The following POC1B variants were observed in gnomAD, a reference collection of about 807,000 sequenced individuals.
The protein encoded by POC1B is POC1 centriolar protein B.
POC1B carries 44 observed loss-of-function variants against 60.6 expected under a neutral mutation model. That is an observed-to-expected ratio of 0.73 (90% CI 0.57 to 0.93). The LOEUF (loss-of-function observed/expected upper bound fraction) is 0.93. POC1B is among the 40% of genes least tolerant of loss of function. The pLI is 0.00. For synonymous variants in POC1B, 180 were observed against 198.9 expected, an observed-to-expected ratio of 0.90 and a Z score of 0.80; for missense variants, 555 against 572.3, an observed-to-expected ratio of 0.97 and a Z score of 0.31.
intron 10 of POC1B, among the ~76,000 whole-genome samples, chr12:89,453,278 C>A (rs747724409): frequency 6.6e-6 from 1 of 152,032 alleles, no homozygotes; most frequent in African/African-American, 2.4e-5. Context: ...CTTGAGTTAC[C>A]GAATAAAAAA....
intron 6 of POC1B, 141 bp from the exon 7 acceptor site, chr12:89,470,635 G>A: frequency 1.8e-6 from 1 of 551,100 alleles, no homozygotes; most frequent in Non-Finnish European, 2.8e-6. Flanking sequence ...ACTAAAACGA[G>A]TATTTTGGCA....
chr12:89,523,970 C>T, intron 2 of POC1B: 3 of 1,613,854 alleles, frequency 1.9e-6, no homozygotes, highest in Non-Finnish European at 2.5e-6. Flanking sequence ...CGTACTCTAT[C>T]AAGATTGCTG....
the POC1B span, among the ~76,000 whole-genome samples, chr12:89,411,130 C>T: frequency 6.6e-5 from 10 of 152,290 alleles, no homozygotes; most frequent in South Asian, 2.1e-3. Flanking sequence ...AGGACATAAA[C>T]AAATGGAGAA....
At chr12:89,430,884 A>G (rs1214041915) in intron 10 of POC1B, among the ~76,000 whole-genome samples, 1 of 152,160 alleles carries the variant, frequency 6.6e-6, no homozygotes, top group Non-Finnish European at 1.5e-5. Flanking sequence ...AAAATTAAAT[A>G]TTAGCAATTT....
chr12:89,514,072 G>A (rs537577558), intron 2 of POC1B, among the ~76,000 whole-genome samples: 64 of 152,198 alleles, frequency 4.2e-4, no homozygotes, highest in South Asian at 1.0e-3. Context: ...TTGGACTTAT[G>A]ACCCCACCCA....
rs540380796 is a variant in POC1B, at chr12:89,492,538, CAT to C, written c.273-425_273-424del. Reference sequence around the variant, plus strand: ...TCAGCAATTTTCCCATTTAGAAAATCATATTGATACTCAAGATAACCTATGGG... The same window carrying C: ...TCAGCAATTTTCCCATTTAGAAAATCATTGATACTCAAGATAACCTATGGG... On this transcript the variant is annotated intron_variant, in intron 3 of 11. Transcript: ENST00000313546. 1.0e-3 allele frequency among the ~76,000 whole-genome samples: 152 copies of C among 152,280 alleles called. 2 individuals are homozygous for C. The highest frequency in any genetic ancestry group is 3.6e-3 in the African/African-American group (149 of 41,548).
chr12:89,524,710 T>C (rs1871264195), intron 2 of POC1B: 1 of 744,344 alleles, frequency 1.3e-6, no homozygotes, highest in African/African-American at 1.8e-5. Flanking sequence ...AGGGGTCACC[T>C]GAGCCCTCTC....
intron 10 of POC1B, among the ~76,000 whole-genome samples, chr12:89,431,804 A>G (rs950156609): frequency 6.6e-6 from 1 of 152,232 alleles, no homozygotes; most frequent in African/African-American, 2.4e-5. Context: ...ACATAGATTT[A>G]TTATCTTATA....
At chr12:89,500,461 T>A in intron 2 of POC1B, 1 of 1,569,906 alleles carries the variant, frequency 6.4e-7, no homozygotes, top group Non-Finnish European at 8.8e-7. Flanking sequence ...TTCTGGCAAC[T>A]GATGTTAGTT....
intron 4 of POC1B, among the ~76,000 whole-genome samples, chr12:89,488,124 C>T (rs1320386008): frequency 2.0e-5 from 3 of 151,410 alleles, no homozygotes; most frequent in Non-Finnish European, 4.4e-5. Context: ...TTACGATTAC[C>T]CTTTGATAAA....
At chr12:89,403,992 C>T in the POC1B span, among the ~76,000 whole-genome samples, 27 of 151,998 alleles carry the variant, frequency 1.8e-4, no homozygotes, top group Non-Finnish European at 1.0e-4. Context: ...ATTAGCCAGG[C>T]GTGGTGGCGC....
intron 10 of POC1B, among the ~76,000 whole-genome samples, chr12:89,441,806 G>A (rs995295700): frequency 2.0e-5 from 3 of 152,202 alleles, no homozygotes; most frequent in East Asian, 1.9e-4. Flanking sequence ...TCAGATGATC[G>A]GTAATAACAA....
chr12:89,406,008 T>G, the POC1B span, among the ~76,000 whole-genome samples: 3 of 149,922 alleles, frequency 2.0e-5, no homozygotes, highest in Non-Finnish European at 4.4e-5. Flanking sequence ...TTTTTTTGGT[T>G]GTTGTTTTCT....
chr12:89,438,050 C>CA (rs535891630), intron 10 of POC1B, among the ~76,000 whole-genome samples: 4,334 of 124,250 alleles, frequency 0.035, 166 homozygotes, highest in African/African-American at 0.11. Context: ...GAAACCGTCT[C>CA]AAAAAAAAAA....
intron 2 of POC1B, among the ~76,000 whole-genome samples, chr12:89,498,579 C>T (rs1405462349): frequency 1.3e-5 from 2 of 152,186 alleles, no homozygotes; most frequent in African/African-American, 4.8e-5. Flanking sequence ...TTCATTTGGG[C>T]TCAGCCCATG....
chr12:89,414,734 C>T (rs1420781765), downstream of POC1B, among the ~76,000 whole-genome samples: 1 of 152,056 alleles, frequency 6.6e-6, no homozygotes, highest in Non-Finnish European at 1.5e-5. Context: ...TCAGATTTGT[C>T]AATAACCCTC....
chr12:89,409,769 C>T, the POC1B span, among the ~76,000 whole-genome samples: 1 of 152,128 alleles, frequency 6.6e-6, no homozygotes, highest in East Asian at 1.9e-4. Flanking sequence ...AAGTCGAATA[C>T]CTGAATGGAC....
intron 2 of POC1B, chr12:89,502,238 C>G: frequency 7.7e-7 from 1 of 1,303,302 alleles, no homozygotes; most frequent in African/African-American, 1.4e-5. Flanking sequence ...CCTGGAAGTT[C>G]AGATGACTCA....
At chr12:89,476,323 T>C (rs1303243244) in intron 4 of POC1B, among the ~76,000 whole-genome samples, 1 of 152,210 alleles carries the variant, frequency 6.6e-6, no homozygotes, top group Non-Finnish European at 1.5e-5. Flanking sequence ...GTTCCTGTAA[T>C]TGTATGTAAA....
Sources: allele counts gnomAD v4.1 joint callset (sites outside exome capture counted in the v4.1 genomes callset), GRCh38; gene constraint gnomAD v4.1.1; transcripts MANE v1.5; gene names NCBI Gene and HGNC (gene_info 2026-07-23, HGNC 2026-07-21).